SUDS3: variants seen among roughly 807,000 people sequenced by gnomAD.
The protein encoded by SUDS3 is SIN3A corepressor complex component SDS3.
In SUDS3, 23 loss-of-function variants were observed where a neutral mutation model predicts 53.5. The observed-to-expected ratio is 0.43, with a 90% CI of 0.31 to 0.61. The LOEUF is 0.61. Ranked by LOEUF, SUDS3 falls within the 20% of genes least tolerant of loss-of-function variation. The pLI, the probability that SUDS3 is intolerant of heterozygous loss-of-function variation, is 0.10. For synonymous variants in SUDS3, 150 were observed against 148.5 expected (o/e 1.01, Z -0.08); for missense variants, 291 against 405.9 (o/e 0.72, Z 2.43).
chr12:118,387,853 G>T (rs906571715), intron 4 of SUDS3, among the ~76,000 whole-genome samples: 1 of 152,190 alleles, frequency 6.6e-6, no homozygotes, highest in Non-Finnish European at 1.5e-5. Flanking sequence ...AACGTGCCCG[G>T]CCCTCATGTG....
chr12:118,413,496 C>T lies in SUDS3; in HGVS notation c.889-839C>T, dbSNP rs143426903. 1.7e-3 allele frequency among the ~76,000 whole-genome samples: 265 copies of T among 152,332 alleles called. 2 individuals are homozygous for T. Among genetic ancestry groups the T allele is most frequent in the Middle Eastern group, 0.01 (3 of 294 alleles). Reference sequence around the variant, plus strand: ...ATGGGGCCAATGATAGTAGTTATTTCATAGGGTTGTCTTGCGGGTGAAAAA... The same window carrying T: ...ATGGGGCCAATGATAGTAGTTATTTTATAGGGTTGTCTTGCGGGTGAAAAA... On this transcript the variant is annotated intron_variant, in intron 11 of 11. Coordinates refer to ENST00000543473, the MANE Select transcript of SUDS3 (RefSeq NM_022491.3).
At chr12:118,382,454 G>T (rs2046074943) in intron 2 of SUDS3, among the ~76,000 whole-genome samples, 2 of 148,678 alleles carry the variant, frequency 1.3e-5, no homozygotes, top group African/African-American at 5.0e-5. Flanking sequence ...CTCAACCTCT[G>T]GGGCTCAATC....
intron 4 of SUDS3, among the ~76,000 whole-genome samples, chr12:118,389,222 C>G (rs1438245823): frequency 6.6e-6 from 1 of 152,128 alleles, no homozygotes; most frequent in Non-Finnish European, 1.5e-5. Flanking sequence ...TGCTTTCCCC[C>G]ACCTGCCGCC....
intron 10 of SUDS3, among the ~76,000 whole-genome samples, chr12:118,407,215 C>G (rs533185589): frequency 5.9e-5 from 9 of 152,224 alleles, no homozygotes; most frequent in Non-Finnish European, 1.2e-4. Flanking sequence ...AAGGACTTAT[C>G]TTTTCAGAGA....
At chr12:118,409,226 C>CAA (rs2046336232) in intron 10 of SUDS3, among the ~76,000 whole-genome samples, 1 of 151,410 alleles carries the variant, frequency 6.6e-6, no homozygotes, top group African/African-American at 2.4e-5. Flanking sequence ...TGGCTTGCTG[C>CAA]AAGCTCCGCC....
At chr12:118,403,042 G>T (rs572057788) in intron 9 of SUDS3, among the ~76,000 whole-genome samples, 3 of 152,142 alleles carry the variant, frequency 2.0e-5, no homozygotes. Context: ...ACAGGTGTGC[G>T]CCACCGCACC....
chr12:118,387,112 C>T (rs528663751), intron 4 of SUDS3, among the ~76,000 whole-genome samples: 2 of 152,304 alleles, frequency 1.3e-5, no homozygotes, highest in African/African-American at 4.8e-5. Flanking sequence ...TGCACACCAA[C>T]AGAGAGAAAA....
chr12:118,400,718 G>A lies in SUDS3; in HGVS notation c.577G>A (p.Val193Ile), dbSNP rs771567083. ...GTTGCGGAGGCGACCAAATGATCCC[G>A]TCCCCATCCCAGACAAGAGGAGGAA... ...RKLRRRPNDP[V>I]PIPDKRRKPA... is the part of the protein sequence containing the mutation. Residue 193 changes from valine to isoleucine, a missense_variant, in exon 7 of 12, where the codon GTC becomes ATC. By Grantham distance (29) the Val-to-Ile change is conservative (BLOSUM62 3). Coordinates refer to ENST00000543473, the MANE Select transcript of SUDS3 (RefSeq NM_022491.3). 9 of 1,613,848 alleles carry A rather than the reference G, an allele frequency of 5.6e-6. No homozygotes were observed. Among genetic ancestry groups the A allele is most frequent in the Admixed American group, 3.3e-5 (2 of 60,016 alleles).
intron 10 of SUDS3, among the ~76,000 whole-genome samples, chr12:118,407,270 C>T (rs1233320546): frequency 6.6e-6 from 1 of 152,036 alleles, no homozygotes; most frequent in Non-Finnish European, 1.5e-5. Flanking sequence ...TAATGGTTCC[C>T]CCAAGACATC....
At chr12:118,409,073 C>T (rs540590687) in intron 10 of SUDS3, among the ~76,000 whole-genome samples, 11 of 152,004 alleles carry the variant, frequency 7.2e-5, no homozygotes, top group African/African-American at 2.7e-4. Flanking sequence ...GCCAGTTTAC[C>T]AACTAATAAA....
rs140215182 is a variant in SUDS3 at position 118,399,477 on chromosome 12, G to A, written c.518-1182G>A. On this transcript the variant is annotated intron_variant, in intron 6 of 11. Coordinates refer to ENST00000543473, the MANE Select transcript of SUDS3 (RefSeq NM_022491.3). ...AGATCGTGCCACTGCACTCCAGCCT[G>A]GGTGAGAGAGTGAGGCCCTGTCTTG... 7.1e-3 allele frequency among the ~76,000 whole-genome samples: 1,083 copies of A among 152,316 alleles called. 8 individuals carry two copies. The highest frequency in any genetic ancestry group is 0.037 in the Middle Eastern group (11 of 294).
chr12:118,387,208 T>TA (rs2046122867), intron 4 of SUDS3, among the ~76,000 whole-genome samples: 1 of 152,216 alleles, frequency 6.6e-6, no homozygotes, highest in Non-Finnish European at 1.5e-5. Flanking sequence ...TCCCTGCTGT[T>TA]ACCCCCTTTC....
In SUDS3 at chr12:118,412,802, TAG is replaced by T. The variant is rs149563213; in HGVS notation, c.889-1530_889-1529del. Among the ~76,000 whole-genome samples, 1,190 of 152,302 alleles carry T rather than the reference TAG, an allele frequency of 7.8e-3. 15 individuals are homozygous for T. The highest frequency in any genetic ancestry group is 0.027 in the African/African-American group (1,109 of 41,562). ...CGAATATTGTCGCGTCTTGACATAA[TAG>T]AGTGTCAGTGAGATCTGACAAATGG... On this transcript the variant is annotated intron_variant, in intron 11 of 11. Transcript: ENST00000543473.
chr12:118,376,809 T>C lies in SUDS3; in HGVS notation c.118T>C (p.Cys40Arg). 6.5e-7 allele frequency: 1 copy of C among 1,546,690 alleles called. No homozygotes were observed. Among genetic ancestry groups the C allele is most frequent in the Non-Finnish European group, 8.7e-7 (1 of 1,152,802 alleles). ...LESAEDDERS[C>R]RGRESDEDTE... The stretch of plus-strand genomic sequence containing the variant: ...GAGCGCCGAGGACGACGAGCGCAGC[T>C]GTCGGGGCCGCGAGTCGGACGAAGG... The change falls in exon 1 of 12, where the codon TGT (cysteine) becomes CGT (arginine). Residue 40 changes from cysteine to arginine, a missense_variant. Physicochemically the swap from Cys to Arg is radical, Grantham distance 180. Coordinates refer to ENST00000543473, the MANE Select transcript of SUDS3 (RefSeq NM_022491.3).
chr12:118,404,765 A>G (rs2046295253), intron 10 of SUDS3, among the ~76,000 whole-genome samples: 1 of 152,196 alleles, frequency 6.6e-6, no homozygotes, highest in Non-Finnish European at 1.5e-5. Flanking sequence ...TATAATGGCT[A>G]TATAATGACC....
At chr12:118,405,079 A>G (rs1316600119) in intron 10 of SUDS3, among the ~76,000 whole-genome samples, 2 of 152,220 alleles carry the variant, frequency 1.3e-5, no homozygotes, top group African/African-American at 4.8e-5. Flanking sequence ...TTATATCTTA[A>G]CATTATGTCT....
intron 2 of SUDS3, among the ~76,000 whole-genome samples, chr12:118,382,211 TTTG>T (rs2046071554): frequency 1.3e-5 from 2 of 151,742 alleles, no homozygotes; most frequent in Admixed American, 6.6e-5. Flanking sequence ...GGCTGATTTT[TTTG>T]TTGTTGTATT....
rs2046388729 is a variant in SUDS3, at chr12:118,415,051, C to T, written c.*618C>T. 1 of 152,222 alleles carries T rather than the reference C, an allele frequency of 6.6e-6. No homozygotes were observed. Among genetic ancestry groups the T allele is most frequent in the Non-Finnish European group, 1.5e-5 (1 of 68,086 alleles). The allele number at this position is 152,222 out of a possible 1,614,324, so 9.4% of individuals were successfully genotyped here. A position where few individuals can be genotyped will look rare whatever the true frequency, so the allele number is the denominator to read the frequency against. On this transcript the variant is annotated 3_prime_UTR_variant, in exon 12 of 12. Coordinates refer to ENST00000543473, the MANE Select transcript of SUDS3 (RefSeq NM_022491.3). ...GCGATGGAAAAGCTTGCCTGGAAGA[C>T]TATGTGCACTGAAGTAAATGGGGTT...
chr12:118,380,921 T>C (rs1284792341), intron 2 of SUDS3, among the ~76,000 whole-genome samples: 1 of 152,158 alleles, frequency 6.6e-6, no homozygotes. Context: ...GCCAGGCTGG[T>C]CTCGAACTCC....
Sources: allele counts gnomAD v4.1 joint callset (sites outside exome capture counted in the v4.1 genomes callset), GRCh38; gene constraint gnomAD v4.1.1; transcripts MANE v1.5; gene names NCBI Gene and HGNC (gene_info 2026-07-23, HGNC 2026-07-21).